LRRTM4: variants seen among roughly 807,000 people sequenced by gnomAD.
LRRTM4 encodes the protein leucine-rich repeat transmembrane neuronal protein 4.
LRRTM4 carries 25 observed loss-of-function variants against 47.6 expected under a neutral mutation model. The ratio of observed to expected loss-of-function variants is 0.53; its 90% CI spans 0.38 to 0.73. The LOEUF is 0.73. Among genes scored for constraint, LRRTM4 ranks in the 30% least tolerant of loss-of-function variants. The pLI is 0.00. For missense variants in LRRTM4, 638 were observed against 713.4 expected (o/e 0.89, Z 1.20); for synonymous variants, 311 against 269.5 (o/e 1.15, Z -1.51).
intron 3 of LRRTM4, among the ~76,000 whole-genome samples, chr2:76,873,787 T>G (rs1320742171): frequency 6.6e-6 from 1 of 151,576 alleles, no homozygotes; most frequent in Non-Finnish European, 1.5e-5. Context: ...TGAAATAGGT[T>G]GATAGATTGA....
At chr2:76,847,064 GATTAGATATCAA>G (rs1671857107) in intron 3 of LRRTM4, among the ~76,000 whole-genome samples, 1 of 152,124 alleles carries the variant, frequency 6.6e-6, no homozygotes, top group Non-Finnish European at 1.5e-5. Context: ...TCTCCAGATA[GATTAGATATCAA>G]GAACCAACTA....
At chr2:76,938,306 C>G (rs72821297) in intron 3 of LRRTM4, among the ~76,000 whole-genome samples, 2,866 of 152,116 alleles carry the variant, frequency 0.019, 72 homozygotes, top group East Asian at 0.082. Flanking sequence ...AAGCATCTGG[C>G]TAATAGTATC....
intron 3 of LRRTM4, among the ~76,000 whole-genome samples, chr2:76,791,745 T>A (rs908434883): frequency 6.6e-6 from 1 of 152,226 alleles, no homozygotes; most frequent in South Asian, 2.1e-4. Flanking sequence ...AGAACTACAT[T>A]CTACAGATAT....
intron 3 of LRRTM4, among the ~76,000 whole-genome samples, chr2:76,941,343 C>T (rs1675136249): frequency 6.6e-6 from 1 of 152,014 alleles, no homozygotes; most frequent in African/African-American, 2.4e-5. Context: ...ACTTTAAGTT[C>T]TGGGATACAT....
At chr2:76,937,760 G>T (rs942777500) in intron 3 of LRRTM4, among the ~76,000 whole-genome samples, 5 of 152,050 alleles carry the variant, frequency 3.3e-5, no homozygotes, top group African/African-American at 4.8e-5. Flanking sequence ...TACAGACGGG[G>T]TTTCACCATG....
chr2:76,982,846 A>G (rs760484221), intron 3 of LRRTM4, among the ~76,000 whole-genome samples: 3 of 152,120 alleles, frequency 2.0e-5, no homozygotes, highest in Non-Finnish European at 4.4e-5. Flanking sequence ...ACACTTGCAA[A>G]TAAGTGAAGT....
chr2:77,244,600 TACTTATGTCCTTATGTCATCACCTCCCC>T (rs1675378260), intron 3 of LRRTM4, among the ~76,000 whole-genome samples: 1 of 152,022 alleles, frequency 6.6e-6, no homozygotes, highest in South Asian at 2.1e-4. Flanking sequence ...CCCCTCCTGA[TACTTATGTCCTTATGTCATCACCTCCCC>T]CATGAGTGTA....
chr2:77,173,089 A>T (rs80283733), intron 3 of LRRTM4, among the ~76,000 whole-genome samples: 4,021 of 152,304 alleles, frequency 0.026, 199 homozygotes, highest in African/African-American at 0.093. Flanking sequence ...ATGATACAGC[A>T]AAAGGAAGAT....
intron 3 of LRRTM4, among the ~76,000 whole-genome samples, chr2:76,888,983 T>C (rs1236592612): frequency 1.3e-5 from 2 of 151,888 alleles, no homozygotes; most frequent in Non-Finnish European, 2.9e-5. Flanking sequence ...AGCTTTGGGC[T>C]TAAGGTAGCC....
intron 3 of LRRTM4, among the ~76,000 whole-genome samples, chr2:77,215,942 G>T (rs144282382): frequency 2.0e-5 from 3 of 151,978 alleles, no homozygotes; most frequent in African/African-American, 7.2e-5. Flanking sequence ...AAAAATTCTG[G>T]GTCAGTAAGA....
intron 3 of LRRTM4, among the ~76,000 whole-genome samples, chr2:77,074,406 G>T (rs576145792): frequency 1.3e-5 from 2 of 152,110 alleles, no homozygotes; most frequent in African/African-American, 4.8e-5. Context: ...TGTTGAAACT[G>T]ACTTTATCAT....
At chr2:76,994,744 G>A (rs1045899140) in intron 3 of LRRTM4, among the ~76,000 whole-genome samples, 3 of 151,868 alleles carry the variant, frequency 2.0e-5, no homozygotes, top group Admixed American at 6.6e-5. Flanking sequence ...TTTTATGAAC[G>A]TGGTATTTAT....
chr2:77,328,770 T>C (rs1423963485), intron 3 of LRRTM4, among the ~76,000 whole-genome samples: 2 of 152,136 alleles, frequency 1.3e-5, no homozygotes, highest in African/African-American at 4.8e-5. Flanking sequence ...TATTTAGGGA[T>C]TTCGGGCTGC....
rs536158996 is a variant in LRRTM4, at chr2:76,878,719, C to T, written c.1552-129803G>A. ...CCCCACCCTGTCTCTACTAAAAATACAAAATTTAACCAGGCATGGTGGTGG... is the reference window on the plus strand; with the variant it reads ...CCCCACCCTGTCTCTACTAAAAATATAAAATTTAACCAGGCATGGTGGTGG... On this transcript the variant is annotated intron_variant, in intron 3 of 3. Coordinates refer to ENST00000409884, the MANE Select transcript of LRRTM4 (RefSeq NM_001134745.3). 3.9e-5 allele frequency among the ~76,000 whole-genome samples: 6 copies of T among 152,046 alleles called. No homozygotes were observed. In the South Asian group the frequency reaches 1.2e-3, roughly 32 times the overall value.
intron 3 of LRRTM4, among the ~76,000 whole-genome samples, chr2:77,123,896 A>C (rs565867735): frequency 3.3e-4 from 50 of 152,160 alleles, no homozygotes; most frequent in African/African-American, 1.2e-3. Flanking sequence ...CGTTGGGAGG[A>C]TATAAGAAAA....
intron 3 of LRRTM4, among the ~76,000 whole-genome samples, chr2:77,229,020 T>G (rs1573110147): frequency 6.6e-6 from 1 of 152,090 alleles, no homozygotes; most frequent in Non-Finnish European, 1.5e-5. Context: ...TTACAAATCA[T>G]GCGATTGCTC....
chr2:77,260,614 A>C (rs1463621937), intron 3 of LRRTM4, among the ~76,000 whole-genome samples: 1 of 152,086 alleles, frequency 6.6e-6, no homozygotes, highest in East Asian at 1.9e-4. Flanking sequence ...TAAGAAAAGT[A>C]AATGTAGACT....
chr2:77,155,385 C>T (rs569336488), intron 3 of LRRTM4, among the ~76,000 whole-genome samples: 3 of 151,386 alleles, frequency 2.0e-5, no homozygotes, highest in East Asian at 3.9e-4. Flanking sequence ...CTGAAATGAT[C>T]GAAATATAAA....
intron 3 of LRRTM4, among the ~76,000 whole-genome samples, chr2:76,809,368 C>T (rs1469970219): frequency 6.6e-6 from 1 of 152,144 alleles, no homozygotes; most frequent in South Asian, 2.1e-4. Flanking sequence ...CGCCCCCTCC[C>T]CAGTGTTCCC....
Sources: allele counts gnomAD v4.1 joint callset (sites outside exome capture counted in the v4.1 genomes callset), GRCh38; gene constraint gnomAD v4.1.1; transcripts MANE v1.5; gene names NCBI Gene and HGNC (gene_info 2026-07-23, HGNC 2026-07-21).